Variants in MAN1A1 observed in about 807,000 individuals in gnomAD.
The protein encoded by MAN1A1 is mannosyl-oligosaccharide 1,2-alpha-mannosidase IA.
A neutral mutation model predicts 70.8 loss-of-function variants in MAN1A1; 29 were observed. That is an observed-to-expected ratio of 0.41 (90% CI 0.31 to 0.56). MAN1A1 has a LOEUF of 0.56. MAN1A1 is among the 20% of genes least tolerant of loss of function. MAN1A1 has a pLI of 0.29. For missense variants in MAN1A1, 747 were observed against 841.3 expected, an observed-to-expected ratio of 0.89 and a Z score of 1.39; for synonymous variants, 349 against 330.1, an observed-to-expected ratio of 1.06 and a Z score of -0.62.
intron 6 of MAN1A1, among the ~76,000 whole-genome samples, chr6:119,235,921 T>C (rs1367575481): frequency 6.6e-6 from 1 of 151,996 alleles, no homozygotes; most frequent in African/African-American, 2.4e-5. Context: ...GCGGATCACT[T>C]GAGGTCAGGA....
chr6:119,247,486 C>G (rs9489633), intron 6 of MAN1A1, among the ~76,000 whole-genome samples: 63,641 of 152,048 alleles, frequency 0.42, 13,813 homozygotes, highest in East Asian at 0.67. Flanking sequence ...TCATCATTAT[C>G]ACAGAGAGGT....
chr6:119,194,535 G>T (rs570874459), intron 8 of MAN1A1, among the ~76,000 whole-genome samples: 1 of 152,234 alleles, frequency 6.6e-6, no homozygotes, highest in South Asian at 2.1e-4. Flanking sequence ...TGTTGCCTCA[G>T]CTGATATACA....
At chr6:119,210,279 T>C (rs1456458633) in intron 6 of MAN1A1, among the ~76,000 whole-genome samples, 2 of 152,160 alleles carry the variant, frequency 1.3e-5, no homozygotes, top group Non-Finnish European at 2.9e-5. Context: ...TATCAACAAA[T>C]TGCAGATAAG....
chr6:119,315,973 A>C (rs574938620), intron 2 of MAN1A1, among the ~76,000 whole-genome samples: 1 of 152,198 alleles, frequency 6.6e-6, no homozygotes, highest in South Asian at 2.1e-4. Context: ...TAACACGGAA[A>C]CTTTGAATTC....
chr6:119,222,643 GA>G (rs1197023231), intron 6 of MAN1A1, among the ~76,000 whole-genome samples: 1 of 152,114 alleles, frequency 6.6e-6, no homozygotes, highest in Non-Finnish European at 1.5e-5. Flanking sequence ...TCATCTTTAC[GA>G]AACAATGACA....
intron 5 of MAN1A1, among the ~76,000 whole-genome samples, chr6:119,263,178 T>C (rs1332592478): frequency 1.3e-5 from 2 of 152,226 alleles, no homozygotes; most frequent in Admixed American, 1.3e-4. Context: ...GTAAGTTTTA[T>C]ATGTAAAAGG....
intron 2 of MAN1A1, among the ~76,000 whole-genome samples, chr6:119,333,421 T>C (rs1303563398): frequency 2.0e-5 from 3 of 152,196 alleles, no homozygotes; most frequent in Admixed American, 1.3e-4. Flanking sequence ...TTAAGGTGAC[T>C]AGTCTTCTGA....
chr6:119,186,962 T>C (rs1773308664), intron 11 of MAN1A1, among the ~76,000 whole-genome samples: 1 of 152,176 alleles, frequency 6.6e-6, no homozygotes. Flanking sequence ...TTTCAGGTCA[T>C]ATATTATGTT....
chr6:119,321,372 T>C (rs765774187), intron 2 of MAN1A1, among the ~76,000 whole-genome samples: 6 of 152,204 alleles, frequency 3.9e-5, no homozygotes, highest in Non-Finnish European at 7.3e-5. Flanking sequence ...TAAAATGCTG[T>C]CCTTGGCTTA....
At chr6:119,185,849 T>G (rs940933315) in intron 11 of MAN1A1, among the ~76,000 whole-genome samples, 1 of 150,822 alleles carries the variant, frequency 6.6e-6, no homozygotes, top group Non-Finnish European at 1.5e-5. Context: ...TCCCAGTTTT[T>G]TTTTTTTTTT....
chr6:119,266,491 C>A (rs1285874910), intron 5 of MAN1A1, among the ~76,000 whole-genome samples: 1 of 151,998 alleles, frequency 6.6e-6, no homozygotes. Flanking sequence ...GAAAAGATAG[C>A]CTTTTTAACA....
rs544502396 is a variant in MAN1A1, at chr6:119,278,120, T to G, written c.897+12563A>C. On this transcript the variant is annotated intron_variant, in intron 5 of 12. Transcript: ENST00000368468. ...ATGATCGTGCCACTGTGCTCCAGCC[T>G]GAGTGACAGAGAGACCCTCAATTCT... Among the ~76,000 whole-genome samples, 3 of 152,010 alleles carry G rather than the reference T, an allele frequency of 2.0e-5. No individual in the cohort carries two copies. The East Asian group carries it at 5.8e-4, about 29-fold the overall frequency.
intron 4 of MAN1A1, 114 bp from the exon 5 acceptor site, chr6:119,290,877 A>G (rs1776520096): frequency 1.5e-6 from 1 of 661,344 alleles, no homozygotes; most frequent in African/African-American, 1.8e-5. Flanking sequence ...TGCCCAGAGA[A>G]GTTTATATAC....
At chr6:119,341,231 G>A (rs1183599544) in intron 2 of MAN1A1, among the ~76,000 whole-genome samples, 1 of 151,904 alleles carries the variant, frequency 6.6e-6, no homozygotes, top group Non-Finnish European at 1.5e-5. Context: ...CACATTCTCC[G>A]GAGCAAAGGA....
At chr6:119,263,293 C>A (rs961102219) in intron 5 of MAN1A1, among the ~76,000 whole-genome samples, 7 of 151,946 alleles carry the variant, frequency 4.6e-5, no homozygotes, top group Non-Finnish European at 1.0e-4. Flanking sequence ...ATATGTAGAT[C>A]TACAGATATA....
intron 5 of MAN1A1, among the ~76,000 whole-genome samples, chr6:119,287,248 C>T (rs1776400889): frequency 6.6e-6 from 1 of 152,122 alleles, no homozygotes; most frequent in African/African-American, 2.4e-5. Flanking sequence ...GCCAACTTGA[C>T]ACTTTTTGTT....
In MAN1A1 at chr6:119,281,408, A is replaced by G. The variant is rs141180154; in HGVS notation, c.897+9275T>C. Among the ~76,000 whole-genome samples, 505 of 152,292 alleles carry G rather than the reference A, an allele frequency of 3.3e-3. 4 individuals carry two copies. Among genetic ancestry groups the G allele is most frequent in the Admixed American group, 5.5e-3 (84 of 15,304 alleles). ...CCACCTCTTCACCCCTTTAAGTTGTAGTGGCCCTATGACTTGCTCTGGCCA... is the reference window on the plus strand; with the variant it reads ...CCACCTCTTCACCCCTTTAAGTTGTGGTGGCCCTATGACTTGCTCTGGCCA... On this transcript the variant is annotated intron_variant, in intron 5 of 12. Transcript: ENST00000368468.
chr6:119,247,303 C>A (rs1381920067), intron 6 of MAN1A1, among the ~76,000 whole-genome samples: 1 of 152,154 alleles, frequency 6.6e-6, no homozygotes, highest in Non-Finnish European at 1.5e-5. Flanking sequence ...CTACCATTTA[C>A]TTACTGTATG....
At chr6:119,243,966 G>T (rs959859246) in intron 6 of MAN1A1, among the ~76,000 whole-genome samples, 1 of 151,992 alleles carries the variant, frequency 6.6e-6, no homozygotes, top group South Asian at 2.1e-4. Context: ...TCCATACAGA[G>T]AAGTGATAAA....
Sources: allele counts gnomAD v4.1 joint callset (sites outside exome capture counted in the v4.1 genomes callset), GRCh38; gene constraint gnomAD v4.1.1; transcripts MANE v1.5; gene names NCBI Gene and HGNC (gene_info 2026-07-23, HGNC 2026-07-21).